Variants in CACNG7 observed in about 807,000 individuals in gnomAD.
CACNG7 encodes the protein calcium voltage-gated channel auxiliary subunit gamma 7.
CACNG7 carries 9 observed loss-of-function variants against 26.3 expected under a neutral mutation model. That is an observed-to-expected ratio of 0.34 (90% CI 0.21 to 0.60). The LOEUF (loss-of-function observed/expected upper bound fraction) is 0.60. Ranked by LOEUF, CACNG7 falls within the 20% of genes least tolerant of loss-of-function variation. CACNG7 has a pLI of 0.81. For synonymous variants in CACNG7, 170 were observed against 157.0 expected, an observed-to-expected ratio of 1.08 and a Z score of -0.62; for missense variants, 297 against 380.4, an observed-to-expected ratio of 0.78 and a Z score of 1.82.
intron 4 of CACNG7, among the ~76,000 whole-genome samples, chr19:53,918,479 A>T (rs548835170): frequency 7.0e-4 from 107 of 151,998 alleles, no homozygotes; most frequent in African/African-American, 2.6e-3. Flanking sequence ...ATTTTTTTTT[A>T]AATCAAAAGA....
chr19:53,934,827 GA>G (rs111319333), intron 4 of CACNG7, among the ~76,000 whole-genome samples: 1,600 of 145,718 alleles, frequency 0.011, 30 homozygotes, highest in South Asian at 0.093. Flanking sequence ...TTAGCATTTT[GA>G]AAAAAAAAAA....
At chr19:53,920,714 T>C (rs2068939147) in intron 4 of CACNG7, among the ~76,000 whole-genome samples, 1 of 118,572 alleles carries the variant, frequency 8.4e-6, no homozygotes, top group Non-Finnish European at 1.7e-5. Context: ...GGTCTGGTCA[T>C]TGGTGGAGCT....
At chr19:53,936,911 A>C (rs1247828272) in intron 4 of CACNG7, among the ~76,000 whole-genome samples, 2 of 148,784 alleles carry the variant, frequency 1.3e-5, no homozygotes, top group African/African-American at 5.0e-5. Flanking sequence ...GCCCAGCCTA[A>C]CTTAATTGAG....
chr19:53,943,256 G>C lies in CACNG7; in HGVS notation c.*963G>C, dbSNP rs1416944845. On this transcript the variant is annotated 3_prime_UTR_variant, in exon 6 of 6. Transcript: ENST00000391767. ...GGAGGGAGGGGCAGTAGCGGGGGTC[G>C]ACACCCCCCCCAAACCTCTAAGTCT... The C allele has an allele frequency of 6.6e-6, 1 of 151,826 alleles. No homozygotes were observed. The highest frequency in any genetic ancestry group is 2.4e-5 in the African/African-American group (1 of 41,312). The allele number at this position is 151,826 out of a possible 1,614,324, so 9.4% of individuals were successfully genotyped here.
At position 53,915,445 on chromosome 19, in the gene CACNG7, C is replaced by A. The variant is rs958774872; in HGVS notation, c.364C>A (p.His122Asn). 6.2e-7 allele frequency: 1 copy of A among 1,614,022 alleles called. No individual in the cohort carries two copies. Among genetic ancestry groups the A allele is most frequent in the Non-Finnish European group, 8.5e-7 (1 of 1,180,046 alleles). Residue 122 changes from histidine (H) to asparagine (N), a missense_variant, in exon 4 of 6, where the codon CAC becomes AAC. Coordinates refer to ENST00000391767, the MANE Select transcript of CACNG7 (RefSeq NM_031896.5). ...GGCCTTCGTCATCAGCAACATCGGC[C>A]ACATCCGCCCGCAGAGGACCATTCT... Reference protein sequence around the residue: ...FTAFVISNIGHIRPQRTILAF... With the variant: ...FTAFVISNIGNIRPQRTILAF...
chr19:53,923,173 T>C lies in CACNG7; in HGVS notation c.424+7668T>C, dbSNP rs74180742. ...CCAGGTCTGGTCATTGGTGGAGTTGTCCCAGGTCTGGTCATTGGTGGGGTT... is the reference window on the plus strand; with the variant it reads ...CCAGGTCTGGTCATTGGTGGAGTTGCCCCAGGTCTGGTCATTGGTGGGGTT... On this transcript the variant is annotated intron_variant, in intron 4 of 5. Transcript: ENST00000391767. Among the ~76,000 whole-genome samples the C allele has an allele frequency of 9.3e-4, 61 of 65,402 alleles. 1 individual carries two copies. The highest frequency in any genetic ancestry group is 2.7e-3 in the African/African-American group (25 of 9,290). The allele number at this position is 65,402 out of a possible 152,430, so 42.9% of individuals were successfully genotyped here.
At chr19:53,924,633 CAGGCTGGTCATTGGTGGAGTTGTCCG>C (rs2069007079) in intron 4 of CACNG7, among the ~76,000 whole-genome samples, 1 of 145,778 alleles carries the variant, frequency 6.9e-6, no homozygotes, top group South Asian at 2.2e-4. Flanking sequence ...GGACTTGCCC[CAGGCTGGTCATTGGTGGAGTTGTCCG>C]AGGTCTGGTA....
chr19:53,935,603 G>A lies in CACNG7; in HGVS notation c.425-5867G>A, dbSNP rs188782014. ...CTCCCAAACTACTGGGATTATAGGC[G>A]TGAGCCACCGCCCCCACCCTCCAAT... On this transcript the variant is annotated intron_variant, in intron 4 of 5. Transcript: ENST00000391767. Among the ~76,000 whole-genome samples, 192 of 142,110 alleles carry A rather than the reference G, an allele frequency of 1.4e-3. 1 individual carries two copies. Among genetic ancestry groups the A allele is most frequent in the Non-Finnish European group, 2.0e-3 (130 of 66,060 alleles). The allele number at this position is 142,110 out of a possible 152,430, so 93.2% of individuals were successfully genotyped here. A position where few individuals can be genotyped will look rare whatever the true frequency, so the allele number is the denominator to read the frequency against.
rs1568774785 is a variant in CACNG7 at position 53,921,830 on chromosome 19, T to TCTGGTCATTGGTGGAGTTGTCCCAGGC, written c.424+6326_424+6352dup. 1.2e-3 allele frequency among the ~76,000 whole-genome samples: 98 copies of TCTGGTCATTGGTGGAGTTGTCCCAGGC among 83,476 alleles called. 3 individuals are homozygous for TCTGGTCATTGGTGGAGTTGTCCCAGGC. Among genetic ancestry groups the TCTGGTCATTGGTGGAGTTGTCCCAGGC allele is most frequent in the Non-Finnish European group, 1.6e-3 (77 of 47,994 alleles). The allele number at this position is 83,476 out of a possible 152,430, so 54.8% of individuals were successfully genotyped here. On this transcript the variant is annotated intron_variant, in intron 4 of 5. Coordinates refer to ENST00000391767, the MANE Select transcript of CACNG7 (RefSeq NM_031896.5). The stretch of plus-strand genomic sequence containing the variant: ...TGGTCATTGGTGGAGTTGCCCCAGG[T>TCTGGTCATTGGTGGAGTTGTCCCAGGC]CTGGTCATTGGTGGAGTTGTCCCAG...
In CACNG7 at chr19:53,915,362, C is replaced by CTT; in HGVS notation, c.284-3_284-2insTT. 3 of 1,611,492 alleles carry CTT rather than the reference C, an allele frequency of 1.9e-6. No homozygotes were observed. Among genetic ancestry groups the CTT allele is most frequent in the Non-Finnish European group, 2.5e-6 (3 of 1,177,610 alleles). ...CCCCTGTCTCTCCCCATCCCCTCCC[C>CTT]AGAGACAGTGCGCACGGCCACCCCC... On this transcript the variant is annotated splice_region_variant and splice_polypyrimidine_tract_variant and intron_variant, in intron 3 of 5. Coordinates refer to ENST00000391767, the MANE Select transcript of CACNG7 (RefSeq NM_031896.5).
intron 4 of CACNG7, among the ~76,000 whole-genome samples, chr19:53,919,964 C>CATTGGTGGAGTTGTCCCCAGGCCTGGT (rs2068928124): frequency 8.2e-6 from 1 of 121,552 alleles, no homozygotes; most frequent in African/African-American, 3.7e-5. Flanking sequence ...CAGGTCTGGT[C>CATTGGTGGAGTTGTCCCCAGGCCTGGT]ATTGGTGGAG....
Position 53,922,615 on chromosome 19 carries a change from C to A in CACNG7, c.424+7110C>A, listed in dbSNP as rs79505298. Among the ~76,000 whole-genome samples the A allele has an allele frequency of 1.8e-3, 135 of 76,198 alleles. 23 individuals carry two copies. In the South Asian group the frequency reaches 0.041, roughly 23 times the overall value. The allele number at this position is 76,198 out of a possible 152,430, so 50.0% of individuals were successfully genotyped here. A position where few individuals can be genotyped will look rare whatever the true frequency, so the allele number is the denominator to read the frequency against. On this transcript the variant is annotated intron_variant, in intron 4 of 5. Transcript: ENST00000391767. ...TGGTCATTGGTGCAGTTGTCCCAGG[C>A]CTGGTCATTGGTGCAGTTGTCCCCA...
chr19:53,921,357 T>C (rs2068949125), intron 4 of CACNG7, among the ~76,000 whole-genome samples: 1 of 129,558 alleles, frequency 7.7e-6, no homozygotes, highest in African/African-American at 3.2e-5. Context: ...TGGTCATTGG[T>C]GGAGTCGTCC....
chr19:53,921,178 CCCCAGGCTGGTCATTGGTGGAGTTGT>C (rs2068946244), intron 4 of CACNG7, among the ~76,000 whole-genome samples: 1 of 82,656 alleles, frequency 1.2e-5, no homozygotes, highest in African/African-American at 7.3e-5. Flanking sequence ...GGTGGACTTG[CCCCAGGCTGGTCATTGGTGGAGTTGT>C]CCCCAGGCCT....
intron 4 of CACNG7, among the ~76,000 whole-genome samples, chr19:53,921,728 C>CATTGGTGGAGTTGCCCCAGGTCTGGT (rs1319273953): frequency 6.4e-5 from 6 of 94,038 alleles, no homozygotes; most frequent in African/African-American, 6.6e-5. Context: ...CCAGGCTGGT[C>CATTGGTGGAGTTGCCCCAGGTCTGGT]ATTGGTGGAG....
chr19:53,942,183 G>C lies in CACNG7; in HGVS notation c.718G>C (p.Gly240Arg). 1 of 1,614,022 alleles carries C rather than the reference G, an allele frequency of 6.2e-7. No homozygotes were observed. The highest frequency in any genetic ancestry group is 8.5e-7 in the Non-Finnish European group (1 of 1,179,956). Reference protein sequence around the residue: ...QFLQPEAWRRGRSPSDISSDV... With the variant: ...QFLQPEAWRRRRSPSDISSDV... The stretch of plus-strand genomic sequence containing the variant: ...CCTGCAGCCCGAGGCGTGGCGCCGC[G>C]GCCGGAGCCCCTCCGACATCTCCAG... Residue 240 changes from glycine (G) to arginine (R), a missense_variant, in exon 6 of 6, where the codon GGC becomes CGC. Coordinates refer to ENST00000391767, the MANE Select transcript of CACNG7 (RefSeq NM_031896.5). This position sits in a 1 kb window ranked among gnomAD's most constrained non-coding sequence, Gnocchi z 5.9.
At chr19:53,921,963 GCC>G (rs2068960598) in intron 4 of CACNG7, among the ~76,000 whole-genome samples, 2 of 95,414 alleles carry the variant, frequency 2.1e-5, no homozygotes, top group African/African-American at 5.6e-5. Flanking sequence ...GTTGCCCCAG[GCC>G]TGGTCATTGG....
At chr19:53,925,136 G>T (rs1221954849) in intron 4 of CACNG7, among the ~76,000 whole-genome samples, 4 of 104,622 alleles carry the variant, frequency 3.8e-5, no homozygotes, top group African/African-American at 9.2e-5. Context: ...ACTTGCCTAG[G>T]GCTGGTCATT....
chr19:53,923,717 T>G (rs796593086), intron 4 of CACNG7, among the ~76,000 whole-genome samples: 1 of 54,104 alleles, frequency 1.8e-5, no homozygotes, highest in Non-Finnish European at 3.1e-5. Context: ...TTGTCCCAGG[T>G]CTGGTCATTG....
Sources: gnomAD v4.1 joint callset for allele counts (sites outside exome capture counted in the v4.1 genomes callset) on GRCh38, gnomAD v4.1.1 for gene constraint, Gnocchi (gnomAD v3.1) non-coding constraint, MANE v1.5 for transcripts, NCBI Gene and HGNC (gene_info 2026-07-23, HGNC 2026-07-21) for gene names.